The following LRCH3 variants were observed in gnomAD, a reference collection of about 807,000 sequenced individuals.
LRCH3 encodes DISP complex protein LRCH3.
In LRCH3, 68 loss-of-function variants were observed where a neutral mutation model predicts 104.5. That is an observed-to-expected ratio of 0.65 (90% CI 0.54 to 0.80). LRCH3 has a LOEUF of 0.80. Among genes scored for constraint, LRCH3 ranks in the 30% least tolerant of loss-of-function variants. The pLI is 0.00. For missense variants in LRCH3, 951 were observed against 953.9 expected (o/e 1.00, Z 0.04); for synonymous variants, 344 against 361.3 (o/e 0.95, Z 0.54).
chr3:197,878,718 ACAAACTCGTAGGTT>A (rs1713195600), intron 20 of LRCH3, among the ~76,000 whole-genome samples: 1 of 152,192 alleles, frequency 6.6e-6, no homozygotes. Flanking sequence ...GAATAAACGC[ACAAACTCGTAGGTT>A]CAAACTAGCC....
rs951064146 is a variant in LRCH3 at position 197,812,516 on chromosome 3, T to C, written c.263-2392T>C. Among the ~76,000 whole-genome samples, 4 of 133,518 alleles carry C rather than the reference T, an allele frequency of 3.0e-5. 1 individual carries two copies. The highest frequency in any genetic ancestry group is 1.1e-4 in the African/African-American group (4 of 36,576). The allele number at this position is 133,518 out of a possible 152,430, so 87.6% of individuals were successfully genotyped here. ...GTCTCTGCTTTCAGTTTTTTTTTTTTTTTTTTTTTTTTTTAGGTGGAGTCT... is the reference window on the plus strand; with the variant it reads ...GTCTCTGCTTTCAGTTTTTTTTTTTCTTTTTTTTTTTTTTAGGTGGAGTCT... On this transcript the variant is annotated intron_variant, in intron 1 of 20. Coordinates refer to ENST00000425562, the MANE Select transcript of LRCH3 (RefSeq NM_001365715.1).
At chr3:197,820,486 C>G in intron 4 of LRCH3, 56 bp downstream of exon 4, 1 of 1,214,736 alleles carries the variant, frequency 8.2e-7, no homozygotes, top group Non-Finnish European at 1.2e-6. Context: ...TTTTAAAGCT[C>G]TCTCAGACCA....
At chr3:197,844,012 G>A (rs1738219861) in intron 10 of LRCH3, among the ~76,000 whole-genome samples, 1 of 152,180 alleles carries the variant, frequency 6.6e-6, no homozygotes, top group Admixed American at 6.5e-5. Context: ...GTAGGGTGAG[G>A]GAAGAGTGCA....
chr3:197,850,370 C>CTT, intron 12 of LRCH3: 7 of 710,356 alleles, frequency 9.9e-6, no homozygotes, highest in African/African-American at 2.6e-5. Context: ...TTTTTTTTTC[C>CTT]TTTTAATTAC....
At chr3:197,855,588 G>T (rs1216102456) in intron 14 of LRCH3, among the ~76,000 whole-genome samples, 3 of 152,164 alleles carry the variant, frequency 2.0e-5, no homozygotes, top group Non-Finnish European at 1.5e-5. Flanking sequence ...GGGAGAACCT[G>T]CATTAAACAC....
chr3:197,826,952 A>G lies in LRCH3; in HGVS notation c.715A>G (p.Asn239Asp), dbSNP rs139422323. The G allele has an allele frequency of 6.2e-7, 1 of 1,614,048 alleles. No individual in the cohort carries two copies. The highest frequency in any genetic ancestry group is 2.2e-5 in the East Asian group (1 of 44,880). Residue 239 changes from asparagine to aspartate, a missense_variant, in exon 5 of 21, where the codon AAC becomes GAC. Asn to Asp is a conservative substitution (Grantham distance 23). Coordinates refer to ENST00000425562, the MANE Select transcript of LRCH3 (RefSeq NM_001365715.1). ...KITTIPVCYR[N>D]LRHLQTITLD... ...TACCACAATCCCTGTTTGTTATCGG[A>G]ACCTCAGGCACCTACAGACGATCAC...
chr3:197,870,101 C>T (rs894372276), intron 17 of LRCH3, 59 bp from the exon 18 acceptor site: 40 of 1,565,186 alleles, frequency 2.6e-5, no homozygotes, highest in South Asian at 1.1e-4. Flanking sequence ...GAGGCAGAGC[C>T]GGATGTTCTC....
At chr3:197,811,966 A>G (rs781089170) in intron 1 of LRCH3, among the ~76,000 whole-genome samples, 9 of 152,248 alleles carry the variant, frequency 5.9e-5, no homozygotes, top group Non-Finnish European at 1.2e-4. Context: ...GTCACTAAGA[A>G]GAGGCAGATT....
upstream of LRCH3, chr3:197,791,253 C>T (rs370275933): frequency 5.0e-6 from 8 of 1,604,040 alleles, no homozygotes; most frequent in East Asian, 2.3e-5. Context: ...GCTGAGCTGG[C>T]GGGCCCGAGT....
At chr3:197,815,707 A>G (rs1377423027) in intron 2 of LRCH3, among the ~76,000 whole-genome samples, 1 of 152,234 alleles carries the variant, frequency 6.6e-6, no homozygotes, top group East Asian at 1.9e-4. Flanking sequence ...ATTTTTGCAT[A>G]TTAAGTTCCG....
At chr3:197,878,452 G>A (rs74424234) in intron 20 of LRCH3, among the ~76,000 whole-genome samples, 2,365 of 151,466 alleles carry the variant, frequency 0.016, 47 homozygotes, top group Middle Eastern at 0.048. Flanking sequence ...AGGCAAGTAC[G>A]AAGAAAAAAA....
At chr3:197,878,941 C>G (rs1184647501) in intron 20 of LRCH3, among the ~76,000 whole-genome samples, 1 of 152,162 alleles carries the variant, frequency 6.6e-6, no homozygotes, top group Non-Finnish European at 1.5e-5. Context: ...TTGTCAGATT[C>G]TATACCCAGG....
rs749440877 is a variant in LRCH3, at chr3:197,837,661, A to AT, written c.1252-1650dup. Among the ~76,000 whole-genome samples, 1,312 of 150,250 alleles carry AT rather than the reference A, an allele frequency of 8.7e-3. 19 individuals carry two copies. The highest frequency in any genetic ancestry group is 0.024 in the Middle Eastern group (7 of 290). ...ACCATTCCTGTCTGAACATGGTATGATTTTTTTTTTAATTAAACCAATGTC... is the reference window on the plus strand; with the variant it reads ...ACCATTCCTGTCTGAACATGGTATGATTTTTTTTTTTAATTAAACCAATGTC... On this transcript the variant is annotated intron_variant, in intron 9 of 20. Transcript: ENST00000425562.
intron 20 of LRCH3, chr3:197,881,297 A>G: frequency 5.1e-6 from 5 of 989,836 alleles, no homozygotes; most frequent in Non-Finnish European, 6.0e-6. Context: ...GGACGTTTCA[A>G]AGGTATTGGC....
At chr3:197,836,374 T>C (rs1256821407) in intron 9 of LRCH3, among the ~76,000 whole-genome samples, 2 of 152,230 alleles carry the variant, frequency 1.3e-5, no homozygotes, top group Non-Finnish European at 2.9e-5. Context: ...AGAAAACAAA[T>C]GTGCATTCAG....
At chr3:197,819,788 G>A (rs1004695900) in intron 3 of LRCH3, among the ~76,000 whole-genome samples, 1 of 152,080 alleles carries the variant, frequency 6.6e-6, no homozygotes, top group Non-Finnish European at 1.5e-5. Flanking sequence ...AGTAAAAATA[G>A]TATTTTCTCT....
Position 197,850,003 on chromosome 3 carries a change from A to G in LRCH3, c.1530+1982A>G, listed in dbSNP as rs577420465. Among the ~76,000 whole-genome samples, 69 of 152,232 alleles carry G rather than the reference A, an allele frequency of 4.5e-4. 1 individual carries two copies. The highest frequency in any genetic ancestry group is 9.4e-4 in the Non-Finnish European group (64 of 68,042). Reference sequence around the variant, plus strand: ...ACAAGTATCATCAGAATTGACCTCAAAAAGAAATTATAGGGACCCTGAAGA... The same window carrying G: ...ACAAGTATCATCAGAATTGACCTCAGAAAGAAATTATAGGGACCCTGAAGA... On this transcript the variant is annotated intron_variant, in intron 12 of 20. Coordinates refer to ENST00000425562, the MANE Select transcript of LRCH3 (RefSeq NM_001365715.1).
At chr3:197,792,602 T>TATATATATATAA (rs1231667136) in intron 1 of LRCH3, among the ~76,000 whole-genome samples, 1 of 85,352 alleles carries the variant, frequency 1.2e-5, no homozygotes, top group Non-Finnish European at 2.4e-5. Context: ...TATATATATA[T>TATATATATATAA]ATAAAATATA....
In LRCH3 at chr3:197,792,565, G is replaced by C. The variant is rs553386651; in HGVS notation, c.262+1025G>C. Among the ~76,000 whole-genome samples, 113 of 17,894 alleles carry C rather than the reference G, an allele frequency of 6.3e-3. 3 individuals carry two copies. The highest frequency in any genetic ancestry group is 0.017 in the African/African-American group (111 of 6,518). The allele number at this position is 17,894 out of a possible 152,430, so 11.7% of individuals were successfully genotyped here. On this transcript the variant is annotated intron_variant, in intron 1 of 20. Transcript: ENST00000425562. The stretch of plus-strand genomic sequence containing the variant: ...TGGGACTACAGGCAGCCGCCACCAC[G>C]CCCAGCTAATTTTATATATATATAT...
Sources: allele counts gnomAD v4.1 joint callset (sites outside exome capture counted in the v4.1 genomes callset), GRCh38; gene constraint gnomAD v4.1.1; transcripts MANE v1.5; gene names NCBI Gene and HGNC (gene_info 2026-07-23, HGNC 2026-07-21).